BABAM2: variants seen among roughly 807,000 people sequenced by gnomAD.
BABAM2 encodes BRISC and BRCA1-A complex member 2.
BABAM2 carries 31 observed loss-of-function variants against 54.7 expected under a neutral mutation model. That is an observed-to-expected ratio of 0.57 (90% CI 0.43 to 0.77). The LOEUF (loss-of-function observed/expected upper bound fraction) is 0.77. Among genes scored for constraint, BABAM2 ranks in the 30% least tolerant of loss-of-function variants. BABAM2 has a pLI of 0.00. For synonymous variants in BABAM2, 167 were observed against 162.9 expected (o/e 1.03, Z -0.19); for missense variants, 364 against 455.8 (o/e 0.80, Z 1.83).
intron 3 of BABAM2, among the ~76,000 whole-genome samples, chr2:27,975,081 T>C (rs2148459667): frequency 6.6e-6 from 1 of 152,130 alleles, no homozygotes; most frequent in South Asian, 2.1e-4. Context: ...CCTCAATAAA[T>C]ACAGAGATAT....
chr2:28,070,813 A>G (rs1000985411), intron 6 of BABAM2, among the ~76,000 whole-genome samples: 1 of 152,170 alleles, frequency 6.6e-6, no homozygotes, highest in Non-Finnish European at 1.5e-5. Flanking sequence ...TTTAATTTGT[A>G]AAGTTCATTG....
intron 11 of BABAM2, chr2:28,327,291 G>A (rs1690553709): frequency 6.2e-7 from 1 of 1,608,842 alleles, no homozygotes; most frequent in Non-Finnish European, 8.5e-7. Flanking sequence ...CAAGGGAGCA[G>A]AGATGCCTGC....
chr2:28,139,147 G>A (rs13393848), intron 7 of BABAM2, among the ~76,000 whole-genome samples: 37,210 of 151,254 alleles, frequency 0.25, 4,784 homozygotes, highest in South Asian at 0.47. Context: ...TTTTTTTTCA[G>A]CTGGGCGCAA....
chr2:28,161,564 C>G (rs1413010950), intron 7 of BABAM2, among the ~76,000 whole-genome samples: 2 of 152,158 alleles, frequency 1.3e-5, no homozygotes, highest in African/African-American at 4.8e-5. Flanking sequence ...CTACTTAGAA[C>G]CCAAACTCTT....
At chr2:27,982,784 ATGT>A (rs1672109594) in intron 3 of BABAM2, among the ~76,000 whole-genome samples, 1 of 151,316 alleles carries the variant, frequency 6.6e-6, no homozygotes, top group Non-Finnish European at 1.5e-5. Flanking sequence ...ATATTCATTC[ATGT>A]TGTAGCATGT....
chr2:28,283,202 G>T (rs1322804178), intron 10 of BABAM2, among the ~76,000 whole-genome samples: 1 of 152,098 alleles, frequency 6.6e-6, no homozygotes, highest in Non-Finnish European at 1.5e-5. Context: ...CACTGGGCTT[G>T]GAATCAAGAC....
chr2:28,197,088 A>G (rs1022060798), intron 7 of BABAM2, among the ~76,000 whole-genome samples: 2 of 151,828 alleles, frequency 1.3e-5, no homozygotes, highest in Non-Finnish European at 2.9e-5. Flanking sequence ...CTGAGCTCAC[A>G]TAATCCACCC....
chr2:28,256,693 C>CTTTTTT (rs34881415), intron 10 of BABAM2, among the ~76,000 whole-genome samples: 12 of 122,804 alleles, frequency 9.8e-5, no homozygotes, highest in Admixed American at 1.9e-4. Flanking sequence ...TGGCTCACTT[C>CTTTTTT]TTTTTTTTTT....
At chr2:28,301,003 T>C (rs1234671927) in intron 11 of BABAM2, among the ~76,000 whole-genome samples, 1 of 152,164 alleles carries the variant, frequency 6.6e-6, no homozygotes, top group East Asian at 1.9e-4. Context: ...ATAAACACCG[T>C]GAAAGAACTG....
chr2:28,092,755 TCTCTCTCTCTCTCTCTCACG>T (rs1377532440), intron 6 of BABAM2, among the ~76,000 whole-genome samples: 2 of 151,340 alleles, frequency 1.3e-5, no homozygotes, highest in African/African-American at 4.9e-5. Context: ...TCTGCCTCTC[TCTCTCTCTCTCTCTCTCACG>T]CTCTCTCTCT....
chr2:28,200,431 A>G (rs1017065288), intron 7 of BABAM2, among the ~76,000 whole-genome samples: 4 of 152,252 alleles, frequency 2.6e-5, no homozygotes, highest in South Asian at 2.1e-4. Context: ...CTCCCTGTTA[A>G]TAAAAGCAGT....
At chr2:28,036,814 A>C (rs1367969727) in intron 5 of BABAM2, among the ~76,000 whole-genome samples, 1 of 152,178 alleles carries the variant, frequency 6.6e-6, no homozygotes, top group Non-Finnish European at 1.5e-5. Flanking sequence ...TCCCGATTAA[A>C]TTACTTCCAA....
chr2:28,303,507 A>G (rs1411533905), intron 11 of BABAM2, among the ~76,000 whole-genome samples: 3 of 152,160 alleles, frequency 2.0e-5, no homozygotes, highest in Non-Finnish European at 4.4e-5. Flanking sequence ...GAGTGGATCT[A>G]TTTCTGGATA....
At chr2:27,999,156 G>A (rs1001535380) in intron 4 of BABAM2, among the ~76,000 whole-genome samples, 1 of 151,918 alleles carries the variant, frequency 6.6e-6, no homozygotes, top group Non-Finnish European at 1.5e-5. Context: ...ACATCTATTT[G>A]TGGTACCAGG....
rs114626285 is a variant in BABAM2 at position 28,319,891 on chromosome 2, G to A, written c.1089-18559G>A. On this transcript the variant is annotated intron_variant, in intron 11 of 11. Coordinates refer to ENST00000379624, the MANE Select transcript of BABAM2 (RefSeq NM_199191.3). ...AGAGGTCCAGAATAGACAGGCTCAC[G>A]GTGGGGGAAGTGACCTCACTCCCGA... Among the ~76,000 whole-genome samples the A allele has an allele frequency of 9.4e-3, 1,428 of 152,280 alleles. 20 individuals carry two copies. Among genetic ancestry groups the A allele is most frequent in the African/African-American group, 0.032 (1,332 of 41,556 alleles).
At chr2:28,071,692 A>C (rs1371155173) in intron 6 of BABAM2, among the ~76,000 whole-genome samples, 1 of 152,248 alleles carries the variant, frequency 6.6e-6, no homozygotes, top group Non-Finnish European at 1.5e-5. Flanking sequence ...GTTACAGTTC[A>C]TATAGGAAAG....
intron 4 of BABAM2, among the ~76,000 whole-genome samples, chr2:28,004,242 A>G (rs983403126): frequency 6.6e-6 from 1 of 152,106 alleles, no homozygotes; most frequent in Admixed American, 6.5e-5. Flanking sequence ...TTGGAGAGCC[A>G]AGATATTTAA....
At chr2:28,271,371 G>A (rs1685415079) in intron 10 of BABAM2, among the ~76,000 whole-genome samples, 1 of 152,182 alleles carries the variant, frequency 6.6e-6, no homozygotes, top group Non-Finnish European at 1.5e-5. Flanking sequence ...TTCCTTCAAG[G>A]ATTCCCCAGC....
chr2:28,195,103 T>C (rs1261386420), intron 7 of BABAM2, among the ~76,000 whole-genome samples: 1 of 152,162 alleles, frequency 6.6e-6, no homozygotes, highest in African/African-American at 2.4e-5. Context: ...TTAAATGCAA[T>C]GGGATTTTTT....
Sources: allele counts gnomAD v4.1 joint callset (sites outside exome capture counted in the v4.1 genomes callset), GRCh38; gene constraint gnomAD v4.1.1; transcripts MANE v1.5; gene names NCBI Gene and HGNC (gene_info 2026-07-23, HGNC 2026-07-21).